KPNA3: variants seen among roughly 807,000 people sequenced by gnomAD.
KPNA3 encodes importin subunit alpha-4.
A neutral mutation model predicts 73.8 loss-of-function variants in KPNA3; 13 were observed. That is an observed-to-expected ratio of 0.18 (90% CI 0.11 to 0.28). The LOEUF (loss-of-function observed/expected upper bound fraction) is 0.28. Among genes scored for constraint, KPNA3 ranks in the 10% least tolerant of loss-of-function variants. KPNA3 has a pLI of 1.00. For missense variants in KPNA3, 360 were observed against 618.1 expected (o/e 0.58, Z 4.43); for synonymous variants, 186 against 206.9 (o/e 0.90, Z 0.87).
chr13:49,701,213 T>TTA lies in KPNA3; in HGVS notation c.*586_*587insTA, dbSNP rs1555302978. ...AGATGAAGTAGTTTTTTTTTTTTTT[T>TTA]AAACTTATCTGTTTATTCAATAACC... On this transcript the variant is annotated 3_prime_UTR_variant, in exon 17 of 17. Coordinates refer to ENST00000261667, the MANE Select transcript of KPNA3 (RefSeq NM_002267.4). 186 of 154,234 alleles carry TTA rather than the reference T, an allele frequency of 1.2e-3. No homozygotes were observed. The highest frequency in any genetic ancestry group is 2.5e-3 in the South Asian group (13 of 5,264). 9.6% of individuals were successfully genotyped at this position (154,234 alleles called of 1,614,324 possible).
At chr13:49,719,614 T>A (rs1397231859) in intron 10 of KPNA3, among the ~76,000 whole-genome samples, 161 bp downstream of exon 10, 1 of 152,226 alleles carries the variant, frequency 6.6e-6, no homozygotes, top group Non-Finnish European at 1.5e-5. Flanking sequence ...TGCTTACAGA[T>A]TTAAGCTATA....
chr13:49,775,328 A>G lies in KPNA3; in HGVS notation c.69+17110T>C, dbSNP rs190815569. 5.7e-3 allele frequency among the ~76,000 whole-genome samples: 863 copies of G among 152,174 alleles called. 7 individuals carry two copies. Among genetic ancestry groups the G allele is most frequent in the Non-Finnish European group, 9.7e-3 (657 of 67,994 alleles). ...TTTCATATCATGGCATGCACAGAAA[A>G]TATTTATACAGCATACTGAGATAAA... On this transcript the variant is annotated intron_variant, in intron 1 of 16. Transcript: ENST00000261667.
intron 10 of KPNA3, among the ~76,000 whole-genome samples, chr13:49,712,559 T>C (rs1449339393): frequency 6.6e-6 from 1 of 151,468 alleles, no homozygotes; most frequent in Non-Finnish European, 1.5e-5. Context: ...ACAATAGATC[T>C]AATATTTGTG....
intron 3 of KPNA3, 23 bp from the exon 4 acceptor site, chr13:49,732,799 T>A: frequency 6.6e-7 from 1 of 1,524,078 alleles, no homozygotes; most frequent in Non-Finnish European, 9.0e-7. Flanking sequence ...AAAAAAATAG[T>A]TCAGCAGAGT....
At chr13:49,722,653 T>C in intron 7 of KPNA3, 90 bp from the exon 8 acceptor site, 1 of 731,296 alleles carries the variant, frequency 1.4e-6, no homozygotes, top group Non-Finnish European at 2.3e-6. Flanking sequence ...ATACACAGCC[T>C]GGCATATTGT....
chr13:49,760,414 C>CAAAA (rs1365099527), intron 1 of KPNA3, among the ~76,000 whole-genome samples: 1 of 60,150 alleles, frequency 1.7e-5, no homozygotes. Flanking sequence ...GATCCCATCT[C>CAAAA]AAAAAAAAAA....
intron 1 of KPNA3, among the ~76,000 whole-genome samples, chr13:49,791,439 G>A (rs1269932024): frequency 6.6e-6 from 1 of 152,112 alleles, no homozygotes; most frequent in Admixed American, 6.6e-5. Context: ...TCAATAAGCC[G>A]AGTTTGCAAA....
chr13:49,721,890 T>C (rs9535310), intron 9 of KPNA3, 65 bp downstream of exon 9: 967,817 of 1,117,442 alleles, frequency 0.87, 420,123 homozygotes, highest in East Asian at 1. Flanking sequence ...GTCCCCTGTA[T>C]ATGAATTCCT....
At chr13:49,749,791 C>A (rs940334762) in intron 1 of KPNA3, among the ~76,000 whole-genome samples, 14 of 152,112 alleles carry the variant, frequency 9.2e-5, no homozygotes, top group Non-Finnish European at 1.8e-4. Flanking sequence ...AATTAAAGAC[C>A]ACTTATTCAC....
chr13:49,722,829 T>TC (rs1954372243), intron 7 of KPNA3, among the ~76,000 whole-genome samples: 1 of 50,652 alleles, frequency 2.0e-5, no homozygotes, highest in East Asian at 5.4e-4. Context: ...CTATAATCCA[T>TC]TAAAAAAAAA....
At chr13:49,722,161 A>T in intron 8 of KPNA3, 37 bp from the exon 9 acceptor site, 1 of 1,373,184 alleles carries the variant, frequency 7.3e-7, no homozygotes, top group Non-Finnish European at 9.7e-7. Flanking sequence ...AAAAACTTAC[A>T]TTCAGGATGA....
chr13:49,723,646 C>T (rs1954381080), intron 7 of KPNA3, among the ~76,000 whole-genome samples: 1 of 151,172 alleles, frequency 6.6e-6, no homozygotes, highest in African/African-American at 2.4e-5. Context: ...GCGAGGCGGG[C>T]AGATCACGAG....
chr13:49,707,041 G>A (rs1025210550), intron 12 of KPNA3, among the ~76,000 whole-genome samples: 1 of 152,070 alleles, frequency 6.6e-6, no homozygotes, highest in Non-Finnish European at 1.5e-5. Context: ...GAGCCACCGC[G>A]CCCAGCCACT....
At position 49,727,319 on chromosome 13, in the gene KPNA3, G is replaced by A. The variant is rs182764301; in HGVS notation, c.384-1818C>T. 1.1e-4 allele frequency among the ~76,000 whole-genome samples: 16 copies of A among 151,864 alleles called. No homozygotes were observed. In the East Asian group the frequency reaches 2.5e-3, roughly 24 times the overall value. On this transcript the variant is annotated intron_variant, in intron 6 of 16. Transcript: ENST00000261667. Reference sequence around the variant, plus strand: ...AAAAATTAGCTGGACATGATGGTGCGTGCCTATAATCCCAGCTGCTCGGGA... The same window carrying A: ...AAAAATTAGCTGGACATGATGGTGCATGCCTATAATCCCAGCTGCTCGGGA...
Position 49,699,865 on chromosome 13 carries a change from A to G in KPNA3, c.*1935T>C, listed in dbSNP as rs1954132172. On this transcript the variant is annotated 3_prime_UTR_variant, in exon 17 of 17. Transcript: ENST00000261667. Reference sequence around the variant, plus strand: ...TATTCCTACTTTTAGCGAACACCACACAGTTTCAAAAATTTAGACTATAGT... The same window carrying G: ...TATTCCTACTTTTAGCGAACACCACGCAGTTTCAAAAATTTAGACTATAGT... 1 of 152,574 alleles carries G rather than the reference A, an allele frequency of 6.6e-6. No individual in the cohort carries two copies. The highest frequency in any genetic ancestry group is 2.4e-5 in the African/African-American group (1 of 41,452). 9.5% of individuals were successfully genotyped at this position (152,574 alleles called of 1,614,324 possible).
chr13:49,780,228 C>A (rs1193604046), intron 1 of KPNA3, among the ~76,000 whole-genome samples: 1 of 152,134 alleles, frequency 6.6e-6, no homozygotes, highest in East Asian at 1.9e-4. Flanking sequence ...AATACAACCA[C>A]ACTCATTTGT....
At chr13:49,712,480 T>C (rs1594431247) in intron 10 of KPNA3, among the ~76,000 whole-genome samples, 1 of 148,726 alleles carries the variant, frequency 6.7e-6, no homozygotes, top group Admixed American at 6.7e-5. Context: ...ATAGAAATCA[T>C]CCAAACTGAA....
intron 1 of KPNA3, among the ~76,000 whole-genome samples, chr13:49,766,991 G>T: frequency 7.2e-6 from 1 of 138,574 alleles, no homozygotes. Flanking sequence ...AGGTAATCAA[G>T]TTAGGATTTT....
chr13:49,710,878 T>C lies in KPNA3; in HGVS notation c.903+13A>G. The C allele has an allele frequency of 6.2e-7, 1 of 1,607,946 alleles. No homozygotes were observed. Among genetic ancestry groups the C allele is most frequent in the Middle Eastern group, 1.7e-4 (1 of 6,014 alleles). On this transcript the variant is annotated intron_variant, in intron 11 of 16. Transcript: ENST00000261667. ...CAACTGTATACAAATAAGAAAAATT[T>C]AAAAATACTTACTTGAACTTTGACT... is the stretch of plus-strand genomic sequence containing the variant.
Sources: gnomAD v4.1 joint callset for allele counts (sites outside exome capture counted in the v4.1 genomes callset) on GRCh38, gnomAD v4.1.1 for gene constraint, MANE v1.5 for transcripts, NCBI Gene and HGNC (gene_info 2026-07-23, HGNC 2026-07-21) for gene names.